Variants in PTPN4 observed in about 807,000 individuals in gnomAD.
PTPN4 encodes protein tyrosine phosphatase non-receptor type 4, also known as tyrosine-protein phosphatase non-receptor type 4.
A neutral mutation model predicts 135.5 loss-of-function variants in PTPN4; 49 were observed. That is an observed-to-expected ratio of 0.36 (90% CI 0.29 to 0.46). PTPN4 has a LOEUF of 0.46. Among genes scored for constraint, PTPN4 ranks in the 20% least tolerant of loss-of-function variants. The pLI is 1.00. For missense variants in PTPN4, 860 were observed against 1,101.0 expected (o/e 0.78, Z 3.10); for synonymous variants, 333 against 369.9 (o/e 0.90, Z 1.14).
intron 1 of PTPN4, among the ~76,000 whole-genome samples, chr2:119,777,181 C>A (rs1358330121): frequency 6.6e-6 from 1 of 152,164 alleles, no homozygotes; most frequent in African/African-American, 2.4e-5. Flanking sequence ...AGACTTGTTC[C>A]TACTTCAGGT....
At chr2:119,815,388 A>C (rs1237678160) in intron 2 of PTPN4, among the ~76,000 whole-genome samples, 1 of 152,130 alleles carries the variant, frequency 6.6e-6, no homozygotes, top group Non-Finnish European at 1.5e-5. Context: ...TTGTAATCCA[A>C]TTGATCCATT....
chr2:119,775,437 A>T (rs1310273947), intron 1 of PTPN4, among the ~76,000 whole-genome samples: 1 of 152,164 alleles, frequency 6.6e-6, no homozygotes, highest in Non-Finnish European at 1.5e-5. Flanking sequence ...GATGTTGGAC[A>T]ATGCCGCTGG....
intron 23 of PTPN4, among the ~76,000 whole-genome samples, 162 bp from the exon 24 acceptor site, chr2:119,962,454 C>CAA (rs556358919): frequency 1.9e-5 from 2 of 107,146 alleles, no homozygotes. Flanking sequence ...AACTCCATCG[C>CAA]AAAAAAAAAA....
chr2:119,860,997 G>C (rs1677752544), intron 2 of PTPN4, among the ~76,000 whole-genome samples: 1 of 150,000 alleles, frequency 6.7e-6, no homozygotes, highest in African/African-American at 2.5e-5. Flanking sequence ...GCCAAGATCA[G>C]ATTGTGCCAT....
rs1039889817 is a variant in PTPN4 at position 119,841,216 on chromosome 2, A to T, written c.139-21320A>T. Among the ~76,000 whole-genome samples, 64 of 152,302 alleles carry T rather than the reference A, an allele frequency of 4.2e-4. 1 individual carries two copies. The highest frequency in any genetic ancestry group is 1.5e-3 in the African/African-American group (61 of 41,576). On this transcript the variant is annotated intron_variant, in intron 2 of 26. Coordinates refer to ENST00000263708, the MANE Select transcript of PTPN4 (RefSeq NM_002830.4). ...TGAAAAATATTTTTTCTCATTAATA[A>T]AACCCTAGAGGGTTTGAAAGTGTAA...
rs1441053985 is a variant in PTPN4, at chr2:119,952,028, G to T, written c.1712G>T (p.Gly571Val). The change falls in exon 19 of 27, where the codon GGT (glycine) becomes GTT (valine). Residue 571 changes from glycine (G) to valine (V), a missense_variant. Around this residue, in one of 2 missense-constraint regions of PTPN4, gnomAD observed 684 missense variants for 807.0 expected, o/e 0.85. Transcript: ENST00000263708. Reference protein sequence around the residue: ...NEGDQVVLINGRDIAEHTHDQ... With the variant: ...NEGDQVVLINVRDIAEHTHDQ... The stretch of plus-strand genomic sequence containing the variant: ...GGGGACCAAGTTGTACTGATCAATG[G>T]TCGGGACATTGCAGAACACACTCAT... 6.2e-7 allele frequency: 1 copy of T among 1,613,174 alleles called. No homozygotes were observed. The highest frequency in any genetic ancestry group is 8.5e-7 in the Non-Finnish European group (1 of 1,179,374).
chr2:119,959,241 CT>C (rs35313672), intron 22 of PTPN4, among the ~76,000 whole-genome samples: 239 of 147,678 alleles, frequency 1.6e-3, no homozygotes, highest in African/African-American at 4.5e-3. Context: ...CTGATAAGGC[CT>C]TTTTTTTTTT....
intron 11 of PTPN4, among the ~76,000 whole-genome samples, chr2:119,917,028 A>G (rs1003447432): frequency 4.6e-5 from 7 of 152,230 alleles, no homozygotes; most frequent in Admixed American, 4.6e-4. Context: ...TCTGGAAACT[A>G]GAGGACAAAT....
At chr2:119,846,043 T>C (rs904738695) in intron 2 of PTPN4, among the ~76,000 whole-genome samples, 3 of 152,226 alleles carry the variant, frequency 2.0e-5, no homozygotes, top group African/African-American at 7.2e-5. Flanking sequence ...CATTTGTTGT[T>C]GGAGAATATG....
intron 1 of PTPN4, among the ~76,000 whole-genome samples, chr2:119,780,271 G>A (rs1690912714): frequency 6.6e-6 from 1 of 152,084 alleles, no homozygotes; most frequent in African/African-American, 2.4e-5. Flanking sequence ...AAATGTTTCA[G>A]CATGTAATCA....
intron 10 of PTPN4, among the ~76,000 whole-genome samples, chr2:119,907,341 T>G (rs1393713767): frequency 6.6e-6 from 1 of 152,208 alleles, no homozygotes; most frequent in Non-Finnish European, 1.5e-5. Flanking sequence ...GGCTCACACC[T>G]GTAATCCTAG....
chr2:119,784,696 AT>A (rs58879330), intron 1 of PTPN4, among the ~76,000 whole-genome samples: 2,216 of 110,126 alleles, frequency 0.02, 54 homozygotes, highest in African/African-American at 0.073. Context: ...TGCCCAGCTA[AT>A]TTTTTTTTTT....
chr2:119,827,482 T>C (rs1033356019), intron 2 of PTPN4, among the ~76,000 whole-genome samples: 1 of 152,230 alleles, frequency 6.6e-6, no homozygotes, highest in African/African-American at 2.4e-5. Context: ...CCATTCTGAA[T>C]GAATGTGAAC....
intron 2 of PTPN4, among the ~76,000 whole-genome samples, chr2:119,854,502 C>T (rs560185161): frequency 1.2e-4 from 18 of 152,270 alleles, no homozygotes; most frequent in Non-Finnish European, 2.4e-4. Context: ...GGTGACGACT[C>T]TTTCTGGCCA....
At chr2:119,875,889 T>C (rs1354255942) in intron 3 of PTPN4, among the ~76,000 whole-genome samples, 1 of 152,136 alleles carries the variant, frequency 6.6e-6, no homozygotes, top group Non-Finnish European at 1.5e-5. Context: ...TTAATTGAGG[T>C]AATGTAATGA....
intron 3 of PTPN4, among the ~76,000 whole-genome samples, chr2:119,872,601 C>T (rs1235512272): frequency 2.0e-5 from 3 of 152,102 alleles, no homozygotes; most frequent in Non-Finnish European, 4.4e-5. Flanking sequence ...AGTCACTTTC[C>T]CTCTCAAGCC....
intron 3 of PTPN4, among the ~76,000 whole-genome samples, chr2:119,869,873 AAG>A (rs1304049712): frequency 6.6e-6 from 1 of 152,214 alleles, no homozygotes; most frequent in Admixed American, 6.5e-5. Flanking sequence ...GGATTGGTGG[AAG>A]AGTCAAACCA....
At chr2:119,904,364 AT>A (rs1355293347) in intron 10 of PTPN4, among the ~76,000 whole-genome samples, 2 of 152,174 alleles carry the variant, frequency 1.3e-5, no homozygotes, top group Non-Finnish European at 2.9e-5. Context: ...TAACCTAGTA[AT>A]TTTTTAAAAG....
intron 11 of PTPN4, among the ~76,000 whole-genome samples, chr2:119,919,823 CAAAAAA>C (rs768606079): frequency 1.5e-5 from 1 of 64,760 alleles, no homozygotes; most frequent in Non-Finnish European, 3.3e-5. Flanking sequence ...GACTGTGTCT[CAAAAAA>C]AAAAAAAAAA....
Sources: gnomAD v4.1 joint callset for allele counts (sites outside exome capture counted in the v4.1 genomes callset) on GRCh38, gnomAD v4.1.1 for gene constraint, gnomAD v4.1.1 regional missense constraint, MANE v1.5 for transcripts, NCBI Gene and HGNC (gene_info 2026-07-23, HGNC 2026-07-21) for gene names.